Variants in CRYBG1 observed in about 807,000 individuals in gnomAD.
The protein encoded by CRYBG1 is crystallin beta-gamma domain containing 1, also known as beta/gamma crystallin domain-containing protein 1.
In CRYBG1, 139 loss-of-function variants were observed where a neutral mutation model predicts 189.2. That is an observed-to-expected ratio of 0.73 (90% CI 0.64 to 0.85). CRYBG1 has a LOEUF of 0.85. Among genes scored for constraint, CRYBG1 ranks in the 40% least tolerant of loss-of-function variants. CRYBG1 has a pLI of 0.00. For synonymous variants in CRYBG1, 1,023 were observed against 1,017.1 expected (o/e 1.01, Z -0.11); for missense variants, 2,611 against 2,675.8 (o/e 0.98, Z 0.53).
At chr6:106,450,417 C>T (rs1771761175) in intron 1 of CRYBG1, among the ~76,000 whole-genome samples, 1 of 152,148 alleles carries the variant, frequency 6.6e-6, no homozygotes, top group Admixed American at 6.5e-5. Context: ...TGAGGTCTTG[C>T]ATTTTTAGTT....
rs1775053323 is a variant in CRYBG1 at position 106,571,359 on chromosome 6, C to T, written c.*2793C>T. The T allele has an allele frequency of 6.6e-6, 1 of 152,254 alleles. No homozygotes were observed. Among genetic ancestry groups the T allele is most frequent in the African/African-American group, 2.4e-5 (1 of 41,462 alleles). 9.4% of individuals were successfully genotyped at this position (152,254 alleles called of 1,614,324 possible). On this transcript the variant is annotated 3_prime_UTR_variant, in exon 22 of 22. Coordinates refer to ENST00000633556, the MANE Select transcript of CRYBG1 (RefSeq NM_001371242.2). ...AGAAGGAACCAGCTTTAAATTATCT[C>T]TTCATGCCAACATCCATCTATACAC...
intron 17 of CRYBG1, among the ~76,000 whole-genome samples, chr6:106,557,413 T>A (rs921354079): frequency 3.3e-5 from 5 of 151,998 alleles, no homozygotes; most frequent in South Asian, 2.1e-4. Context: ...CTTTTATTTT[T>A]TTTTTTTTTG....
intron 21 of CRYBG1, among the ~76,000 whole-genome samples, chr6:106,565,624 G>A (rs1207821480): frequency 6.6e-6 from 1 of 152,146 alleles, no homozygotes; most frequent in Admixed American, 6.5e-5. Flanking sequence ...GCAACTACAG[G>A]CTGGATGGAG....
At chr6:106,415,600 C>A (rs1040756827) in intron 1 of CRYBG1, among the ~76,000 whole-genome samples, 1 of 151,962 alleles carries the variant, frequency 6.6e-6, no homozygotes, top group Admixed American at 6.6e-5. Flanking sequence ...GTGGTATATA[C>A]CTGTAGACCC....
rs139327699 is a variant in CRYBG1 at position 106,521,375 on chromosome 6, C to T, written c.4167C>T (p.Thr1389=). The T allele has an allele frequency of 5.5e-5, 89 of 1,613,464 alleles. No homozygotes were observed. The highest frequency in any genetic ancestry group is 1.9e-4 in the African/African-American group (14 of 74,846). ...TGCCAAACTGTGCAAACAGTGACAC[C>T]GACTTCATGGGTCTTTTCAAATCAA... is the stretch of plus-strand genomic sequence containing the variant. ...SNLPNCANSD[T]DFMGLFKSSR... is the part of the protein sequence containing the mutation. The change falls in exon 4 of 22, where the codon ACC becomes ACT. Residue 1389 remains threonine (T), a synonymous_variant. Coordinates refer to ENST00000633556, the MANE Select transcript of CRYBG1 (RefSeq NM_001371242.2).
At chr6:106,417,301 C>G (rs576178478) in intron 1 of CRYBG1, among the ~76,000 whole-genome samples, 1 of 152,032 alleles carries the variant, frequency 6.6e-6, no homozygotes, top group Admixed American at 6.5e-5. Flanking sequence ...CTGGGAGAGA[C>G]AAGAGAGGCA....
At chr6:106,365,087 CT>C (rs1297293738) in intron 1 of CRYBG1, among the ~76,000 whole-genome samples, 1 of 151,974 alleles carries the variant, frequency 6.6e-6, no homozygotes, top group Non-Finnish European at 1.5e-5. Flanking sequence ...ATTCAAGCCA[CT>C]TTGTGTTATT....
At chr6:106,447,832 T>C (rs1005017038) in intron 1 of CRYBG1, among the ~76,000 whole-genome samples, 2 of 152,130 alleles carry the variant, frequency 1.3e-5, no homozygotes, top group African/African-American at 4.8e-5. Flanking sequence ...TTGTTCACCT[T>C]TGTGTGCTTT....
At chr6:106,458,302 C>G (rs994217333) in intron 2 of CRYBG1, among the ~76,000 whole-genome samples, 5 of 152,194 alleles carry the variant, frequency 3.3e-5, no homozygotes, top group African/African-American at 1.2e-4. Context: ...TCTTTTTGCA[C>G]AGACTCTTTC....
chr6:106,497,530 G>A (rs1417381725), intron 2 of CRYBG1, among the ~76,000 whole-genome samples: 1 of 152,134 alleles, frequency 6.6e-6, no homozygotes, highest in African/African-American at 2.4e-5. Context: ...GAGGGGACCT[G>A]CCTTGTTCAT....
chr6:106,564,078 T>C, intron 21 of CRYBG1, 152 bp downstream of exon 21: 1 of 727,504 alleles, frequency 1.4e-6, no homozygotes, highest in South Asian at 1.9e-5. Flanking sequence ...GCTAGCCACT[T>C]TCAGTACACC....
chr6:106,472,787 C>T (rs1457659866), intron 2 of CRYBG1, among the ~76,000 whole-genome samples: 1 of 151,398 alleles, frequency 6.6e-6, no homozygotes, highest in African/African-American at 2.4e-5. Flanking sequence ...GCCTGTAGTC[C>T]CAGCTACTCG....
chr6:106,513,160 A>G, intron 3 of CRYBG1, 121 bp downstream of exon 3: 2 of 1,242,760 alleles, frequency 1.6e-6, no homozygotes, highest in Non-Finnish European at 2.2e-6. Context: ...TTTCCCCTCC[A>G]TGCTGAACTT....
Position 106,481,945 on chromosome 6 carries a change from C to T in CRYBG1, c.313-29485C>T, listed in dbSNP as rs533320201. ...TTTATTAGACTGTCATCAGATCAAC[C>T]CATTTCTGTACTTTCTTACTTACAG... On this transcript the variant is annotated intron_variant, in intron 2 of 21. Transcript: ENST00000633556. 2.0e-5 allele frequency among the ~76,000 whole-genome samples: 3 copies of T among 149,916 alleles called. No individual in the cohort carries two copies. In the South Asian group the frequency reaches 6.3e-4, roughly 31 times the overall value.
At chr6:106,382,729 A>AT (rs1438309569) in intron 1 of CRYBG1, among the ~76,000 whole-genome samples, 1 of 152,136 alleles carries the variant, frequency 6.6e-6, no homozygotes, top group Non-Finnish European at 1.5e-5. Flanking sequence ...TTTATTTTTA[A>AT]TATTTATGCC....
At chr6:106,551,785 A>T (rs1774410040) in intron 13 of CRYBG1, 67 bp from the exon 14 acceptor site, 3 of 1,491,660 alleles carry the variant, frequency 2.0e-6, no homozygotes, top group African/African-American at 2.8e-5. Flanking sequence ...ATACATAGAT[A>T]TCCAAATATG....
intron 1 of CRYBG1, among the ~76,000 whole-genome samples, chr6:106,395,569 A>G (rs1770588448): frequency 6.6e-6 from 1 of 151,878 alleles, no homozygotes; most frequent in African/African-American, 2.4e-5. Context: ...TAGTATTATT[A>G]TTTTTGTTTA....
chr6:106,374,109 G>A (rs1047198556), intron 1 of CRYBG1, among the ~76,000 whole-genome samples: 1 of 152,098 alleles, frequency 6.6e-6, no homozygotes, highest in Non-Finnish European at 1.5e-5. Context: ...TGTATGTGAG[G>A]CCCTGGAGTG....
At chr6:106,485,440 A>G (rs971460803) in intron 2 of CRYBG1, among the ~76,000 whole-genome samples, 34 of 152,216 alleles carry the variant, frequency 2.2e-4, no homozygotes, top group Non-Finnish European at 4.3e-4. Context: ...AGATCACATC[A>G]TCTGTAAACA....
Sources: allele counts gnomAD v4.1 joint callset (sites outside exome capture counted in the v4.1 genomes callset), GRCh38; gene constraint gnomAD v4.1.1; transcripts MANE v1.5; gene names NCBI Gene and HGNC (gene_info 2026-07-23, HGNC 2026-07-21).